The following TRIM10 variants were observed in gnomAD, a reference collection of about 807,000 sequenced individuals.
TRIM10 encodes the protein tripartite motif containing 10.
TRIM10 carries 42 observed loss-of-function variants against 40.0 expected under a neutral mutation model. The observed-to-expected ratio is 1.05, with a 90% confidence interval of 0.82 to 1.36. The LOEUF is 1.36. TRIM10 is among the 40% of genes most tolerant of loss of function. The pLI is 0.00. For synonymous variants in TRIM10, 260 were observed against 239.5 expected (o/e 1.09, Z -0.79); for missense variants, 601 against 608.3 (o/e 0.99, Z 0.13).
chr6:30,154,466 G>C lies in TRIM10; in HGVS notation c.949C>G (p.Gln317Glu). 1.2e-6 allele frequency: 2 copies of C among 1,611,786 alleles called. No individual in the cohort carries two copies. Among genetic ancestry groups the C allele is most frequent in the Non-Finnish European group, 1.7e-6 (2 of 1,180,014 alleles). Reference sequence around the variant, plus strand: ...AAGAGGAGCTTGGGGTGGGAAGTCTGAGGGTCTAGAGAAATGTGAGCTGTG... The same window carrying C: ...AAGAGGAGCTTGGGGTGGGAAGTCTCAGGGTCTAGAGAAATGTGAGCTGTG... ...YEPAHISLDPQTSHPKLLLSE... is the reference protein window; with the variant it reads ...YEPAHISLDPETSHPKLLLSE... Residue 317 changes from glutamine (Q) to glutamate (E), a missense_variant, in exon 7 of 7, where the codon CAG becomes GAG. Coordinates refer to ENST00000449742, the MANE Select transcript of TRIM10 (RefSeq NM_006778.4).
At chr6:30,154,642 C>T in intron 6 of TRIM10, 156 bp from the exon 7 acceptor site, 1 of 900,638 alleles carries the variant, frequency 1.1e-6, no homozygotes, top group Non-Finnish European at 1.8e-6. Flanking sequence ...CACCTGGGAA[C>T]TTGTTAGATA....
At position 30,152,258 on chromosome 6, in the gene TRIM10, C is replaced by T. The variant is rs371053178; in HGVS notation, c.*1711G>A. ...ACACAAGGTGTGTAAAGCTCCCGAG[C>T]TGCAAGCCAGGATCTTCATACACAT... On this transcript the variant is annotated 3_prime_UTR_variant, in exon 7 of 7. Coordinates refer to ENST00000449742, the MANE Select transcript of TRIM10 (RefSeq NM_006778.4). 6.6e-6 allele frequency: 1 copy of T among 152,138 alleles called. No individual in the cohort carries two copies. Among genetic ancestry groups the T allele is most frequent in the Non-Finnish European group, 1.5e-5 (1 of 68,026 alleles). 9.4% of individuals were successfully genotyped at this position (152,138 alleles called of 1,614,324 possible). A position where few individuals can be genotyped will look rare whatever the true frequency, so the allele number is the denominator to read the frequency against.
chr6:30,162,682 G>A (rs1773216436), upstream of TRIM10, among the ~76,000 whole-genome samples: 1 of 152,112 alleles, frequency 6.6e-6, no homozygotes, highest in Non-Finnish European at 1.5e-5. Context: ...CGTCCTTAAC[G>A]TGATACTTTC....
At chr6:30,163,836 C>G (rs939685910), upstream of TRIM10, 14 of 1,612,930 alleles carry the variant, frequency 8.7e-6, no homozygotes, top group Non-Finnish European at 1.2e-5. Flanking sequence ...GCCCAATCCT[C>G]GGGCAAGATC....
At chr6:30,159,612 C>T (rs540864933) in intron 1 of TRIM10, among the ~76,000 whole-genome samples, 6 of 152,212 alleles carry the variant, frequency 3.9e-5, no homozygotes, top group Non-Finnish European at 5.9e-5. Context: ...TCTGAGTTTC[C>T]GACTCATCCC....
intron 3 of TRIM10, 98 bp from the exon 4 acceptor site, chr6:30,157,489 CTTGT>C (rs992066815): frequency 3.0e-6 from 4 of 1,324,926 alleles, no homozygotes; most frequent in Non-Finnish European, 4.2e-6. Context: ...TTTTTATTTG[CTTGT>C]TTGTTTGTTT....
intron 6 of TRIM10, 111 bp from the exon 7 acceptor site, chr6:30,154,597 A>G (rs1234527301): frequency 7.2e-7 from 1 of 1,386,614 alleles, no homozygotes; most frequent in Non-Finnish European, 1.0e-6. Flanking sequence ...TACCAAAAAC[A>G]TGTATAGTGC....
In TRIM10 at chr6:30,161,046, C is replaced by T. The variant is rs761723560; in HGVS notation, c.-188G>A. 1.6e-6 allele frequency: 1 copy of T among 627,154 alleles called. No homozygotes were observed. Among genetic ancestry groups the T allele is most frequent in the Non-Finnish European group, 2.7e-6 (1 of 364,954 alleles). The allele number at this position is 627,154 out of a possible 1,614,324, so 38.8% of individuals were successfully genotyped here. A position where few individuals can be genotyped will look rare whatever the true frequency, so the allele number is the denominator to read the frequency against. On this transcript the variant is annotated 5_prime_UTR_variant, in exon 1 of 7. Transcript: ENST00000449742. ...AGCCAGGGTTCTATTCTCCTGCCAA[C>T]AGCAGAGATGGGAAATAGCAGAGGA...
chr6:30,155,632 C>A (rs1472847934), intron 6 of TRIM10, 95 bp downstream of exon 6: 3 of 1,073,466 alleles, frequency 2.8e-6, no homozygotes, highest in Non-Finnish European at 4.2e-6. Context: ...TGACTATTGT[C>A]ATAGTCATAA....
intron 5 of TRIM10, 93 bp from the exon 6 acceptor site, chr6:30,155,852 G>T: frequency 8.2e-7 from 1 of 1,213,854 alleles, no homozygotes; most frequent in Non-Finnish European, 1.2e-6. Flanking sequence ...GAAGAGGGAA[G>T]GGACAAGAAG....
intron 3 of TRIM10, 131 bp from the exon 4 acceptor site, chr6:30,157,522 G>A: frequency 4.1e-6 from 4 of 970,374 alleles, no homozygotes; most frequent in Non-Finnish European, 6.1e-6. Flanking sequence ...GTCTCACTCT[G>A]GTGCCCAGGC....
At chr6:30,161,929 A>C (rs980107730), upstream of TRIM10, among the ~76,000 whole-genome samples, 1 of 152,230 alleles carries the variant, frequency 6.6e-6, no homozygotes, top group African/African-American at 2.4e-5. Flanking sequence ...GATCCATATA[A>C]AAAGTCATTA....
chr6:30,154,066 C>G lies in TRIM10; in HGVS notation c.1349G>C (p.Arg450Pro), dbSNP rs762933234. 1 of 1,612,356 alleles carries G rather than the reference C, an allele frequency of 6.2e-7. No individual in the cohort carries two copies. The highest frequency in any genetic ancestry group is 8.5e-7 in the Non-Finnish European group (1 of 1,179,730). The change falls in exon 7 of 7, where the codon CGA becomes CCA. Residue 450 changes from arginine (R) to proline (P), a missense_variant. Arg to Pro is a moderately radical substitution (Grantham distance 103, BLOSUM62 -2). Coordinates refer to ENST00000449742, the MANE Select transcript of TRIM10 (RefSeq NM_006778.4). ...GGCAGTGAAGGTGTAGATGGGCTCT[C>G]GGGTGACAGCGTTGGTGAAGGTCAC... is the stretch of plus-strand genomic sequence containing the variant. The part of the protein sequence containing the change: ...GWVTFTNAVT[R>P]EPIYTFTASF...
At chr6:30,161,518 G>A (rs1262562862), upstream of TRIM10, among the ~76,000 whole-genome samples, 1 of 150,242 alleles carries the variant, frequency 6.7e-6, no homozygotes, top group African/African-American at 2.4e-5. Context: ...TTACAATGAC[G>A]GTACAACTTA....
In TRIM10 at chr6:30,152,175, T is replaced by A. The variant is rs1035976632; in HGVS notation, c.*1794A>T. The A allele has an allele frequency of 6.6e-6, 1 of 152,222 alleles. No individual in the cohort carries two copies. Among genetic ancestry groups the A allele is most frequent in the Non-Finnish European group, 1.5e-5 (1 of 68,042 alleles). The allele number at this position is 152,222 out of a possible 1,614,324, so 9.4% of individuals were successfully genotyped here. A position where few individuals can be genotyped will look rare whatever the true frequency, so the allele number is the denominator to read the frequency against. ...AGTGCAGCATAGCAGTTAAGAGCTCTTGGGTCAGACATGGATGAACTGGTT... is the reference window on the plus strand; with the variant it reads ...AGTGCAGCATAGCAGTTAAGAGCTCATGGGTCAGACATGGATGAACTGGTT... On this transcript the variant is annotated 3_prime_UTR_variant, in exon 7 of 7. Coordinates refer to ENST00000449742, the MANE Select transcript of TRIM10 (RefSeq NM_006778.4).
Position 30,156,967 on chromosome 6 carries a change from CG to C in TRIM10, c.866del (p.Pro289ArgfsTer6). 1 of 1,613,018 alleles carries C rather than the reference CG, an allele frequency of 6.2e-7. No individual in the cohort carries two copies. Among genetic ancestry groups the C allele is most frequent in the South Asian group, 1.1e-5 (1 of 91,084 alleles). On this transcript the variant is annotated frameshift_variant, in exon 5 of 7. Coordinates refer to ENST00000449742, the MANE Select transcript of TRIM10 (RefSeq NM_006778.4). LOFTEE classifies it high-confidence loss of function. The part of the protein sequence containing the change: ...RIRDFPQQAL[P>X]LQREMKMFLE... ...GAAACATCTTCATCTCCCTCTGCAG[CG>C]GGAGGGCCTGCTGGGGAAAGTCCCG...
intron 5 of TRIM10, among the ~76,000 whole-genome samples, chr6:30,156,481 T>C (rs1772540062): frequency 6.6e-6 from 1 of 151,848 alleles, no homozygotes; most frequent in Non-Finnish European, 1.5e-5. Flanking sequence ...CGTCTAACTC[T>C]GAGCCAGACT....
In TRIM10 at chr6:30,154,757, G is replaced by T. The variant is rs1216655428; in HGVS notation, c.929-271C>A. 5.7e-5 allele frequency: 39 copies of T among 689,764 alleles called. No individual in the cohort carries two copies. The Admixed American group carries it at 7.9e-4, about 14-fold the overall frequency. The allele number at this position is 689,764 out of a possible 1,614,324, so 42.7% of individuals were successfully genotyped here. A position where few individuals can be genotyped will look rare whatever the true frequency, so the allele number is the denominator to read the frequency against. Reference sequence around the variant, plus strand: ...GATGTGAAAGCTCTCGTTTAGTTCAGTGTGGTCCTCGGGAAAGCTCTTCTG... The same window carrying T: ...GATGTGAAAGCTCTCGTTTAGTTCATTGTGGTCCTCGGGAAAGCTCTTCTG... On this transcript the variant is annotated intron_variant, in intron 6 of 6. Coordinates refer to ENST00000449742, the MANE Select transcript of TRIM10 (RefSeq NM_006778.4).
chr6:30,154,179 G>A lies in TRIM10; in HGVS notation c.1236C>T (p.Val412=). The change falls in exon 7 of 7, where the codon GTC becomes GTT. Residue 412 remains valine, a synonymous_variant. Coordinates refer to ENST00000449742, the MANE Select transcript of TRIM10 (RefSeq NM_006778.4). The stretch of plus-strand genomic sequence containing the variant: ...GTGTGGGGAAGGAGCCCAGAGCCGA[G>A]ACGAAGCCCCAAGCCAGCCTCACAG... ...VWAVRLAWGF[V]SALGSFPTRL... 1.9e-6 allele frequency: 3 copies of A among 1,612,074 alleles called. No individual in the cohort carries two copies. The highest frequency in any genetic ancestry group is 2.5e-6 in the Non-Finnish European group (3 of 1,179,198).
Sources: allele counts gnomAD v4.1 joint callset (sites outside exome capture counted in the v4.1 genomes callset), GRCh38; gene constraint gnomAD v4.1.1; transcripts MANE v1.5; gene names NCBI Gene and HGNC (gene_info 2026-07-23, HGNC 2026-07-21).